Variants in MGAT4C observed in about 807,000 individuals in gnomAD.
The protein encoded by MGAT4C is alpha-1,3-mannosyl-glycoprotein 4-beta-N-acetylglucosaminyltransferase C.
In MGAT4C, 19 loss-of-function variants were observed where a neutral mutation model predicts 40.1. That is an observed-to-expected ratio of 0.47 (90% CI 0.33 to 0.70). MGAT4C has a LOEUF of 0.70. Among genes scored for constraint, MGAT4C ranks in the 30% least tolerant of loss-of-function variants. The pLI is 0.02. For synonymous variants in MGAT4C, 181 were observed against 187.1 expected (o/e 0.97, Z 0.27); for missense variants, 491 against 563.2 (o/e 0.87, Z 1.30).
chr12:86,136,212 A>G (rs1041943267), intron 1 of MGAT4C, among the ~76,000 whole-genome samples: 1 of 152,192 alleles, frequency 6.6e-6, no homozygotes, highest in African/African-American at 2.4e-5. Context: ...TGAGTCTTTT[A>G]TGTTCTAAGA....
intron 4 of MGAT4C, among the ~76,000 whole-genome samples, chr12:86,311,356 A>T (rs1379031126): frequency 1.3e-5 from 2 of 152,260 alleles, no homozygotes; most frequent in African/African-American, 2.4e-5. Flanking sequence ...TACAGTAAAG[A>T]TAAAGTATAA....
At chr12:86,268,688 C>CATATATATACACATAT (rs1555261530) in intron 4 of MGAT4C, among the ~76,000 whole-genome samples, 2 of 145,494 alleles carry the variant, frequency 1.4e-5, no homozygotes, top group East Asian at 2.0e-4. Flanking sequence ...TACATATATA[C>CATATATATACACATAT]ATATATATAC....
At chr12:86,401,598 C>A (rs1372800910) in intron 3 of MGAT4C, among the ~76,000 whole-genome samples, 2 of 151,752 alleles carry the variant, frequency 1.3e-5, no homozygotes, top group Non-Finnish European at 2.9e-5. Context: ...ACTTTTTTTC[C>A]TATAAGTTCT....
At chr12:86,191,070 ACT>A (rs755826021) in intron 1 of MGAT4C, among the ~76,000 whole-genome samples, 8 of 136,696 alleles carry the variant, frequency 5.9e-5, no homozygotes, top group East Asian at 2.2e-4. Context: ...TCTTAAAATC[ACT>A]CTCTCTCTCT....
At chr12:86,760,357 G>A (rs1258577190) in intron 1 of MGAT4C, among the ~76,000 whole-genome samples, 1 of 151,960 alleles carries the variant, frequency 6.6e-6, no homozygotes, top group South Asian at 2.1e-4. Flanking sequence ...ACTGACTTAG[G>A]CACGGATTTT....
intron 3 of MGAT4C, among the ~76,000 whole-genome samples, chr12:86,341,357 C>A (rs550755950): frequency 1.3e-5 from 2 of 152,278 alleles, no homozygotes; most frequent in Non-Finnish European, 2.9e-5. Context: ...TACATGGAGT[C>A]TCAGCAGAGC....
chr12:86,513,777 C>T (rs1219728601), intron 2 of MGAT4C, among the ~76,000 whole-genome samples: 4 of 152,056 alleles, frequency 2.6e-5, no homozygotes, highest in Admixed American at 2.0e-4. Flanking sequence ...GGAATATTTA[C>T]TTAAGGAAGA....
At chr12:86,410,005 C>T (rs200194080) in intron 3 of MGAT4C, among the ~76,000 whole-genome samples, 7 of 149,278 alleles carry the variant, frequency 4.7e-5, no homozygotes, top group East Asian at 3.9e-4. Flanking sequence ...ACTTTAAAGG[C>T]GGAGGGGGTG....
intron 4 of MGAT4C, among the ~76,000 whole-genome samples, chr12:86,272,869 A>T (rs79490081): frequency 0.021 from 3,200 of 152,198 alleles, 78 homozygotes; most frequent in East Asian, 0.069. Context: ...ATAAATAAAT[A>T]AATTAAATTA....
rs940307062 is a variant in MGAT4C at position 85,957,924 on chromosome 12, A to C, written c.*21365T>G. The C allele has an allele frequency of 6.6e-6, 1 of 152,068 alleles. No individual in the cohort carries two copies. Among genetic ancestry groups the C allele is most frequent in the African/African-American group, 2.4e-5 (1 of 41,418 alleles). The allele number at this position is 152,068 out of a possible 1,614,324, so 9.4% of individuals were successfully genotyped here. On this transcript the variant is annotated 3_prime_UTR_variant, in exon 5 of 5. Coordinates refer to ENST00000611864, the MANE Select transcript of MGAT4C (RefSeq NM_001351288.2). ...GTTTTCATCTGACATAAATTATTTTACTTAGGTTATCTTTATTTGAGTGAG... is the reference window on the plus strand; with the variant it reads ...GTTTTCATCTGACATAAATTATTTTCCTTAGGTTATCTTTATTTGAGTGAG...
At chr12:86,732,782 C>G (rs991194658) in intron 1 of MGAT4C, among the ~76,000 whole-genome samples, 2 of 151,366 alleles carry the variant, frequency 1.3e-5, no homozygotes, top group African/African-American at 4.9e-5. Flanking sequence ...TTTGGAGACC[C>G]CTGTTTTAAC....
At position 86,092,774 on chromosome 12, in the gene MGAT4C, G is replaced by T. The variant is rs1327904095; in HGVS notation, c.-56-43051C>A. Among the ~76,000 whole-genome samples, 7 of 152,152 alleles carry T rather than the reference G, an allele frequency of 4.6e-5. No homozygotes were observed. In the East Asian group the frequency reaches 1.4e-3, roughly 29 times the overall value. ...CCTGCAGGGCATAGGCCTCTAAAGAGTTATGACAAGAACACACAGTATCTA... is the reference window on the plus strand; with the variant it reads ...CCTGCAGGGCATAGGCCTCTAAAGATTTATGACAAGAACACACAGTATCTA... On this transcript the variant is annotated intron_variant, in intron 1 of 4. Transcript: ENST00000611864.
chr12:86,780,032 A>AT (rs1951811328), intron 1 of MGAT4C, among the ~76,000 whole-genome samples: 1 of 152,056 alleles, frequency 6.6e-6, no homozygotes, highest in Non-Finnish European at 1.5e-5. Flanking sequence ...CTATAAAATG[A>AT]AATAATATAA....
intron 2 of MGAT4C, among the ~76,000 whole-genome samples, chr12:86,561,313 T>C (rs964783487): frequency 3.3e-5 from 5 of 152,168 alleles, no homozygotes; most frequent in Non-Finnish European, 7.3e-5. Context: ...GGATGCAAAG[T>C]ATTGTTCCTG....
chr12:86,620,317 A>G (rs1465250931), intron 2 of MGAT4C, among the ~76,000 whole-genome samples: 1 of 151,980 alleles, frequency 6.6e-6, no homozygotes, highest in African/African-American at 2.4e-5. Flanking sequence ...CTAAGTGTCC[A>G]TCAGTCGAGA....
At chr12:86,539,270 C>T (rs545551623) in intron 2 of MGAT4C, among the ~76,000 whole-genome samples, 46 of 151,098 alleles carry the variant, frequency 3.0e-4, no homozygotes, top group African/African-American at 1.1e-3. Context: ...TGAGAACATG[C>T]AGTGTTTGGT....
chr12:86,647,428 G>A (rs1366245193), intron 2 of MGAT4C, among the ~76,000 whole-genome samples: 3 of 151,836 alleles, frequency 2.0e-5, no homozygotes, highest in African/African-American at 7.3e-5. Context: ...ACAGTTTCAG[G>A]TGTTTATGTA....
chr12:86,624,696 G>T (rs530718037), intron 2 of MGAT4C, among the ~76,000 whole-genome samples: 2 of 152,136 alleles, frequency 1.3e-5, no homozygotes, highest in East Asian at 3.9e-4. Flanking sequence ...CCACATAGAG[G>T]TGCCACATTA....
chr12:86,329,274 T>C (rs1195269852), intron 4 of MGAT4C, among the ~76,000 whole-genome samples: 1 of 152,160 alleles, frequency 6.6e-6, no homozygotes, highest in African/African-American at 2.4e-5. Context: ...CCGGGCGTGG[T>C]GGCTCACGCC....
Sources: allele counts gnomAD v4.1 joint callset (sites outside exome capture counted in the v4.1 genomes callset), GRCh38; gene constraint gnomAD v4.1.1; transcripts MANE v1.5; gene names NCBI Gene and HGNC (gene_info 2026-07-23, HGNC 2026-07-21).